The following TANC2 variants were observed in gnomAD, a reference collection of about 807,000 sequenced individuals.
The protein encoded by TANC2 is protein TANC2.
TANC2 carries 26 observed loss-of-function variants against 210.5 expected under a neutral mutation model. The observed-to-expected ratio is 0.12, with a 90% CI of 0.09 to 0.17. TANC2 has a LOEUF of 0.17. Among genes scored for constraint, TANC2 ranks in the 10% least tolerant of loss-of-function variants. The pLI is 1.00. For synonymous variants in TANC2, 931 were observed against 967.1 expected (o/e 0.96, Z 0.69); for missense variants, 2,129 against 2,608.9 (o/e 0.82, Z 4.01).
intron 7 of TANC2, 58 bp from the exon 8 acceptor site, chr17:63,237,756 A>C: frequency 1.4e-6 from 2 of 1,448,032 alleles, no homozygotes; most frequent in Non-Finnish European, 1.8e-6. Flanking sequence ...ACTTTGTCAA[A>C]GATTAATAAC....
intron 5 of TANC2, among the ~76,000 whole-genome samples, chr17:63,193,146 A>G (rs1212209040): frequency 1.3e-5 from 2 of 152,230 alleles, no homozygotes; most frequent in East Asian, 3.8e-4. Context: ...GAAAAAAATA[A>G]GTTATCTAAA....
At chr17:63,178,717 G>T (rs570646774) in intron 5 of TANC2, among the ~76,000 whole-genome samples, 1 of 152,334 alleles carries the variant, frequency 6.6e-6, no homozygotes, top group Admixed American at 6.5e-5. Context: ...AGAATAAGCA[G>T]TTTATAATCA....
At chr17:63,424,352 A>T (rs2049095654) in exon 28 of TANC2, 1 of 152,180 alleles carries the variant, frequency 6.6e-6, no homozygotes, top group Non-Finnish European at 1.5e-5. Flanking sequence ...GCTGCATGCC[A>T]GTTGTTTTTG....
intron 4 of TANC2, among the ~76,000 whole-genome samples, chr17:63,118,638 G>A (rs2038341701): frequency 6.6e-6 from 1 of 152,120 alleles, no homozygotes; most frequent in Non-Finnish European, 1.5e-5. Flanking sequence ...TTGATTGATT[G>A]AGACAGGGTT....
At chr17:63,200,929 C>G in exon 7 of TANC2, 1 of 1,610,944 alleles carries the variant, frequency 6.2e-7, no homozygotes, top group East Asian at 2.2e-5. Flanking sequence ...CAACCTCTAC[C>G]CTTGAAAGCA....
At chr17:63,035,959 G>A (rs989154478) in intron 2 of TANC2, among the ~76,000 whole-genome samples, 3 of 152,114 alleles carry the variant, frequency 2.0e-5, no homozygotes, top group African/African-American at 7.2e-5. Flanking sequence ...GCTAATGAAC[G>A]TCTTTTCATG....
intron 1 of TANC2, among the ~76,000 whole-genome samples, chr17:62,980,282 C>G (rs1441361339): frequency 6.6e-6 from 1 of 152,180 alleles, no homozygotes; most frequent in East Asian, 1.9e-4. Flanking sequence ...CTTCTGGGCT[C>G]TCTCCCACTA....
intron 5 of TANC2, among the ~76,000 whole-genome samples, chr17:63,160,894 C>T (rs114085380): frequency 0.014 from 2,150 of 152,206 alleles, 50 homozygotes; most frequent in African/African-American, 0.049. Context: ...CTTTAACCCC[C>T]CATGGTCATC....
chr17:63,017,622 C>G (rs192064823), intron 2 of TANC2, among the ~76,000 whole-genome samples: 26 of 152,212 alleles, frequency 1.7e-4, no homozygotes, highest in Admixed American at 8.5e-4. Flanking sequence ...CCATGGAAAT[C>G]ATGTTACTTT....
At chr17:63,394,404 A>G (rs2048088850) in intron 17 of TANC2, among the ~76,000 whole-genome samples, 1 of 152,162 alleles carries the variant, frequency 6.6e-6, no homozygotes, top group Admixed American at 6.5e-5. Flanking sequence ...AAGATGTTCT[A>G]GTCTCATCTC....
In TANC2 at chr17:62,966,542, C is replaced by T. The variant is rs989988653; in HGVS notation, c.-231C>T. ...GGGGCGAGAGCTGGCCCCCGAGCCG[C>T]CGCTGACAGGAGCACCGCCGCGGGC... On this transcript the variant is annotated 5_prime_UTR_variant, in exon 1 of 28. Coordinates refer to ENST00000689528, the Ensembl canonical transcript of TANC2. The surrounding 1 kb of genome is among the most constrained non-coding windows in gnomAD (Gnocchi z 5.1). Among the ~76,000 whole-genome samples the T allele has an allele frequency of 3.3e-5, 5 of 150,456 alleles. No homozygotes were observed. Among genetic ancestry groups the T allele is most frequent in the African/African-American group, 1.2e-4 (5 of 41,258 alleles).
At chr17:63,353,951 G>A (rs1214158831) in intron 13 of TANC2, among the ~76,000 whole-genome samples, 1 of 151,704 alleles carries the variant, frequency 6.6e-6, no homozygotes. Flanking sequence ...AAATGGAGGA[G>A]AGAATGGGAA....
intron 21 of TANC2, among the ~76,000 whole-genome samples, chr17:63,410,984 T>G (rs960120642): frequency 6.6e-6 from 1 of 151,264 alleles, no homozygotes. Context: ...TAAGCATACT[T>G]AAGATGAGGT....
chr17:63,072,771 GTT>G, intron 2 of TANC2, among the ~76,000 whole-genome samples: 1 of 151,968 alleles, frequency 6.6e-6, no homozygotes, highest in South Asian at 2.1e-4. Context: ...GTACTTGCTA[GTT>G]TAACAGCCCT....
intron 7 of TANC2, among the ~76,000 whole-genome samples, chr17:63,235,062 A>AT (rs377330946): frequency 5.8e-4 from 87 of 149,730 alleles, no homozygotes; most frequent in South Asian, 4.9e-3. Flanking sequence ...TTCTGAGGTG[A>AT]TTTTTTTTTT....
intron 16 of TANC2, 43 bp from the exon 17 acceptor site, chr17:63,389,265 A>T: frequency 6.9e-7 from 1 of 1,458,482 alleles, no homozygotes; most frequent in Non-Finnish European, 9.5e-7. Context: ...AAAGGATGTG[A>T]CTCCTGTTTG....
At chr17:63,158,825 A>G (rs565518888) in intron 5 of TANC2, among the ~76,000 whole-genome samples, 26 of 152,344 alleles carry the variant, frequency 1.7e-4, no homozygotes, top group African/African-American at 5.5e-4. Context: ...ACAGGTTGCA[A>G]TCAAGGTGAC....
At chr17:63,008,423 C>A (rs914479548) in intron 1 of TANC2, among the ~76,000 whole-genome samples, 28 of 152,022 alleles carry the variant, frequency 1.8e-4, no homozygotes, top group Admixed American at 1.8e-3. Context: ...ACCTGTGTCC[C>A]ACTTCATGTT....
Position 63,196,982 on chromosome 17 carries a change from C to T in TANC2, c.582+2843C>T, listed in dbSNP as rs572599434. ...CTCTTAACAGCCACACCATACTGTT[C>T]CAGTGTAATGTGAAATAATAACACC... On this transcript the variant is annotated intron_variant, in intron 6 of 27. Transcript: ENST00000689528. Among the ~76,000 whole-genome samples the T allele has an allele frequency of 2.0e-5, 3 of 152,178 alleles. No homozygotes were observed. The East Asian group carries it at 5.8e-4, about 29-fold the overall frequency.
Sources: allele counts gnomAD v4.1 joint callset (sites outside exome capture counted in the v4.1 genomes callset), GRCh38; gene constraint gnomAD v4.1.1; non-coding constraint Gnocchi (gnomAD v3.1); transcripts MANE v1.5; gene names NCBI Gene and HGNC (gene_info 2026-07-23, HGNC 2026-07-21).